TRAPPC9: variants seen among roughly 807,000 people sequenced by gnomAD.
TRAPPC9 encodes IKK2 binding protein.
TRAPPC9 carries 83 observed loss-of-function variants against 124.0 expected under a neutral mutation model. That is an observed-to-expected ratio of 0.67 (90% confidence interval 0.56 to 0.80). TRAPPC9 has a LOEUF of 0.80. Among genes scored for constraint, TRAPPC9 ranks in the 30% least tolerant of loss-of-function variants. TRAPPC9 has a pLI of 0.00. For synonymous variants in TRAPPC9, 638 were observed against 617.5 expected, an observed-to-expected ratio of 1.03 and a Z score of -0.49; for missense variants, 1,302 against 1,508.3, an observed-to-expected ratio of 0.86 and a Z score of 2.27.
rs567385730 is a variant in TRAPPC9 at position 139,787,991 on chromosome 8, C to T, written c.3056-55789G>A. ...GGAAGTGAGACTAGGAACCCCACCGCGGGCATCTGACCCTGTGGCGTCCTC... is the reference window on the plus strand; with the variant it reads ...GGAAGTGAGACTAGGAACCCCACCGTGGGCATCTGACCCTGTGGCGTCCTC... On this transcript the variant is annotated intron_variant, in intron 21 of 22. Coordinates refer to ENST00000438773, the MANE Select transcript of TRAPPC9 (RefSeq NM_001160372.4). Among the ~76,000 whole-genome samples the T allele has an allele frequency of 1.5e-4, 23 of 152,290 alleles. No homozygotes were observed. The South Asian group carries it at 2.3e-3, about 15-fold the overall frequency.
Position 139,852,911 on chromosome 8 carries a change from G to A in TRAPPC9, c.3055+32968C>T, listed in dbSNP as rs116729817. 3.9e-3 allele frequency among the ~76,000 whole-genome samples: 593 copies of A among 152,328 alleles called. 7 individuals are homozygous for A. The highest frequency in any genetic ancestry group is 0.013 in the African/African-American group (560 of 41,572). ...AAACTGCAAACATAGTCTCTTGGAGGTAGGCAGAGCAAACTGGCATCTTGA... is the reference window on the plus strand; with the variant it reads ...AAACTGCAAACATAGTCTCTTGGAGATAGGCAGAGCAAACTGGCATCTTGA... On this transcript the variant is annotated intron_variant, in intron 21 of 22. Coordinates refer to ENST00000438773, the MANE Select transcript of TRAPPC9 (RefSeq NM_001160372.4).
At chr8:139,921,228 G>A (rs1235618574) in intron 19 of TRAPPC9, among the ~76,000 whole-genome samples, 1 of 152,246 alleles carries the variant, frequency 6.6e-6, no homozygotes, top group African/African-American at 2.4e-5. Flanking sequence ...AGGGCAGGCA[G>A]TCATCACATC....
intron 5 of TRAPPC9, among the ~76,000 whole-genome samples, chr8:140,408,820 A>T (rs1032764599): frequency 1.4e-5 from 2 of 143,990 alleles, no homozygotes; most frequent in African/African-American, 5.0e-5. Context: ...AAAAAAAAAA[A>T]TCAAACCCAC....
In TRAPPC9 at chr8:140,284,240, T is replaced by C. The variant is rs568094255; in HGVS notation, c.1982-219A>G. ...GGATAACAGCATCTGCATTCCTGTT[T>C]CACAAGGCTGGCTGGGCCCAAATGA... On this transcript the variant is annotated intron_variant, in intron 13 of 22. Coordinates refer to ENST00000438773, the MANE Select transcript of TRAPPC9 (RefSeq NM_001160372.4). Among the ~76,000 whole-genome samples the C allele has an allele frequency of 7.2e-5, 11 of 152,328 alleles. No individual in the cohort carries two copies. The East Asian group carries it at 2.1e-3, about 29-fold the overall frequency.
At chr8:140,002,047 T>C (rs977025245) in intron 18 of TRAPPC9, among the ~76,000 whole-genome samples, 8 of 151,884 alleles carry the variant, frequency 5.3e-5, no homozygotes, top group African/African-American at 1.2e-4. Flanking sequence ...AATAATTCTA[T>C]ACAAAATAGC....
intron 17 of TRAPPC9, among the ~76,000 whole-genome samples, chr8:140,061,248 T>C (rs1014796429): frequency 6.6e-6 from 1 of 152,218 alleles, no homozygotes. Context: ...CTTAGCACCA[T>C]GAAAGAGGCA....
intron 18 of TRAPPC9, among the ~76,000 whole-genome samples, chr8:140,003,471 G>A (rs188762495): frequency 1.4e-4 from 22 of 151,914 alleles, no homozygotes; most frequent in Admixed American, 2.6e-4. Flanking sequence ...ATGTGGTGCC[G>A]TGCGCCTGTA....
chr8:140,395,230 T>G (rs369437768), intron 7 of TRAPPC9, among the ~76,000 whole-genome samples: 8 of 152,120 alleles, frequency 5.3e-5, no homozygotes, highest in South Asian at 2.1e-4. Flanking sequence ...GACTGTGGTG[T>G]TGTTTGTTTT....
intron 21 of TRAPPC9, among the ~76,000 whole-genome samples, chr8:139,740,041 G>T (rs1214402313): frequency 1.3e-5 from 2 of 152,192 alleles, no homozygotes; most frequent in South Asian, 2.1e-4. Flanking sequence ...AGGGACCAGG[G>T]CCATGTCCCA....
intron 17 of TRAPPC9, among the ~76,000 whole-genome samples, chr8:140,032,413 C>T (rs575749764): frequency 6.6e-6 from 1 of 152,068 alleles, no homozygotes; most frequent in African/African-American, 2.4e-5. Context: ...TCCTCCCCCC[C>T]CACCCTCCTC....
intron 17 of TRAPPC9, among the ~76,000 whole-genome samples, chr8:140,041,869 G>A (rs1210197651): frequency 6.6e-6 from 1 of 152,106 alleles, no homozygotes; most frequent in East Asian, 1.9e-4. Flanking sequence ...CTATTCAGGA[G>A]GCTGAGGCAG....
intron 18 of TRAPPC9, among the ~76,000 whole-genome samples, chr8:139,997,229 A>G (rs1279365675): frequency 6.6e-6 from 1 of 152,044 alleles, no homozygotes; most frequent in Non-Finnish European, 1.5e-5. Flanking sequence ...CACTAGGGAG[A>G]CAGTGCATCC....
chr8:139,879,089 C>A (rs1166315405), intron 21 of TRAPPC9, among the ~76,000 whole-genome samples: 2 of 152,262 alleles, frequency 1.3e-5, no homozygotes, highest in Non-Finnish European at 2.9e-5. Context: ...AACGAGGGCC[C>A]AGCCCGGCAT....
chr8:139,761,709 C>G (rs1029135282), intron 21 of TRAPPC9, among the ~76,000 whole-genome samples: 2 of 152,042 alleles, frequency 1.3e-5, no homozygotes, highest in African/African-American at 4.8e-5. Flanking sequence ...TCACCCCCCT[C>G]AGGGACGGCC....
intron 19 of TRAPPC9, among the ~76,000 whole-genome samples, chr8:139,911,942 G>C (rs886544695): frequency 6.6e-6 from 1 of 152,108 alleles, no homozygotes; most frequent in Non-Finnish European, 1.5e-5. Context: ...CTAGTATTCA[G>C]CCTGAGGCAT....
intron 9 of TRAPPC9, among the ~76,000 whole-genome samples, chr8:140,345,845 C>T (rs1415445340): frequency 3.3e-5 from 5 of 152,156 alleles, no homozygotes; most frequent in South Asian, 4.1e-4. Flanking sequence ...GGATGGGAAA[C>T]GGGGCTGGGG....
intron 21 of TRAPPC9, among the ~76,000 whole-genome samples, chr8:139,738,793 G>A (rs1473340726): frequency 6.6e-6 from 1 of 152,208 alleles, no homozygotes. Context: ...CCACTTCCCA[G>A]GCCACTAGGG....
intron 17 of TRAPPC9, among the ~76,000 whole-genome samples, chr8:140,210,175 C>T (rs957638709): frequency 6.6e-6 from 1 of 152,232 alleles, no homozygotes; most frequent in Non-Finnish European, 1.5e-5. Context: ...GGGGCCGGAA[C>T]CGTGAATTCT....
At chr8:140,071,825 T>A (rs1166061320) in intron 17 of TRAPPC9, among the ~76,000 whole-genome samples, 1 of 152,164 alleles carries the variant, frequency 6.6e-6, no homozygotes. Context: ...TAAGAGATTT[T>A]GAAACACACA....
Sources: gnomAD v4.1 joint callset for allele counts (sites outside exome capture counted in the v4.1 genomes callset) on GRCh38, gnomAD v4.1.1 for gene constraint, MANE v1.5 for transcripts, NCBI Gene and HGNC (gene_info 2026-07-23, HGNC 2026-07-21) for gene names.